FOXJ3: variants seen among roughly 807,000 people sequenced by gnomAD.
FOXJ3 encodes forkhead box J3.
In FOXJ3, 22 loss-of-function variants were observed where a neutral mutation model predicts 76.1. The ratio of observed to expected loss-of-function variants is 0.29; its 90% confidence interval spans 0.21 to 0.41. The LOEUF is 0.41. Ranked by LOEUF, FOXJ3 falls within the 10% of genes least tolerant of loss-of-function variation. FOXJ3 has a pLI of 1.00. For missense variants in FOXJ3, 613 were observed against 762.1 expected, an observed-to-expected ratio of 0.80 and a Z score of 2.30; for synonymous variants, 269 against 261.2, an observed-to-expected ratio of 1.03 and a Z score of -0.29.
chr1:42,316,333 C>CGTTTTTTTTTTTTTTTTTTTTTTT (rs1322633444), intron 1 of FOXJ3, among the ~76,000 whole-genome samples: 1 of 73,914 alleles, frequency 1.4e-5, no homozygotes, highest in African/African-American at 4.3e-5. Flanking sequence ...TGCATTGGGC[C>CGTTTTTTTTTTTTTTTTTTTTTTT]TTTTTTTTTT....
At chr1:42,250,378 C>T (rs1649927223) in intron 4 of FOXJ3, among the ~76,000 whole-genome samples, 1 of 151,944 alleles carries the variant, frequency 6.6e-6, no homozygotes, top group Non-Finnish European at 1.5e-5. Context: ...AAAATAACAC[C>T]CCAAAGGGAA....
At chr1:42,276,462 T>C (rs1652270930) in intron 3 of FOXJ3, among the ~76,000 whole-genome samples, 1 of 152,132 alleles carries the variant, frequency 6.6e-6, no homozygotes, top group African/African-American at 2.4e-5. Context: ...GTTTAAGAAA[T>C]AAAGTACAGT....
intron 4 of FOXJ3, among the ~76,000 whole-genome samples, chr1:42,232,711 T>C (rs574263424): frequency 6.6e-5 from 10 of 152,280 alleles, no homozygotes; most frequent in South Asian, 2.1e-4. Context: ...GTCAGATGAG[T>C]AGATTGCAAA....
chr1:42,244,158 G>A (rs1165762685), intron 4 of FOXJ3, among the ~76,000 whole-genome samples: 1 of 152,046 alleles, frequency 6.6e-6, no homozygotes, highest in Non-Finnish European at 1.5e-5. Flanking sequence ...AACCTATGGA[G>A]TATAGCAAAA....
chr1:42,254,048 T>G lies in FOXJ3; in HGVS notation c.444+11067A>C, dbSNP rs1432698504. Among the ~76,000 whole-genome samples the G allele has an allele frequency of 3.4e-4, 51 of 151,526 alleles. No individual in the cohort carries two copies. In the East Asian group the frequency reaches 9.9e-3, roughly 29 times the overall value. On this transcript the variant is annotated intron_variant, in intron 4 of 12. Coordinates refer to ENST00000361346, the MANE Select transcript of FOXJ3 (RefSeq NM_014947.5). ...GGCAACCTACAAAATGGGAGAAAAT[T>G]TTCACAACCTACTCATCTGACAAAG...
At chr1:42,303,934 A>C (rs149521114) in intron 2 of FOXJ3, among the ~76,000 whole-genome samples, 1 of 152,196 alleles carries the variant, frequency 6.6e-6, no homozygotes, top group African/African-American at 2.4e-5. Context: ...GTAATCGGAC[A>C]AGAGAAAAAA....
intron 4 of FOXJ3, 44 bp from the exon 5 acceptor site, chr1:42,228,010 TATG>T (rs1270077257): frequency 1.0e-6 from 1 of 1,000,618 alleles, no homozygotes. Context: ...ACAGCAAACC[TATG>T]ATATTAAAAT....
At chr1:42,282,191 T>C (rs1332111200) in intron 2 of FOXJ3, among the ~76,000 whole-genome samples, 2 of 152,072 alleles carry the variant, frequency 1.3e-5, no homozygotes, top group Non-Finnish European at 1.5e-5. Context: ...GAAATCTGGT[T>C]ATGGAAATCT....
At chr1:42,313,780 TA>T (rs1654947014) in intron 1 of FOXJ3, among the ~76,000 whole-genome samples, 1 of 152,168 alleles carries the variant, frequency 6.6e-6, no homozygotes, top group Non-Finnish European at 1.5e-5. Flanking sequence ...CATGGTTTCG[TA>T]CACAGCAGAG....
At chr1:42,210,313 C>T (rs1196364393) in intron 5 of FOXJ3, among the ~76,000 whole-genome samples, 1 of 152,150 alleles carries the variant, frequency 6.6e-6, no homozygotes, top group Non-Finnish European at 1.5e-5. Context: ...TGTCCCTTCA[C>T]TCGCCCTGGT....
intron 2 of FOXJ3, among the ~76,000 whole-genome samples, chr1:42,282,580 A>G (rs1331899018): frequency 6.6e-6 from 1 of 152,134 alleles, no homozygotes; most frequent in African/African-American, 2.4e-5. Context: ...CACTGAGGAC[A>G]GTGACCATAC....
At chr1:42,247,263 T>C (rs904334525) in intron 4 of FOXJ3, among the ~76,000 whole-genome samples, 1 of 152,072 alleles carries the variant, frequency 6.6e-6, no homozygotes, top group Non-Finnish European at 1.5e-5. Context: ...TGTAACAAAA[T>C]ACAAGTACCC....
At chr1:42,215,958 C>G (rs1244312936) in intron 5 of FOXJ3, among the ~76,000 whole-genome samples, 5 of 151,870 alleles carry the variant, frequency 3.3e-5, no homozygotes, top group Non-Finnish European at 5.9e-5. Context: ...TTGAGACCAG[C>G]CTGGTCAACA....
At chr1:42,219,699 C>T (rs977690281) in intron 5 of FOXJ3, among the ~76,000 whole-genome samples, 5 of 152,174 alleles carry the variant, frequency 3.3e-5, no homozygotes, top group Non-Finnish European at 7.3e-5. Context: ...AATCCTAGCA[C>T]TTTGAGAGGC....
chr1:42,243,147 G>A (rs1442422935), intron 4 of FOXJ3, among the ~76,000 whole-genome samples: 1 of 152,150 alleles, frequency 6.6e-6, no homozygotes, highest in East Asian at 1.9e-4. Context: ...AGGAATTCAT[G>A]ACCATTAGAC....
chr1:42,212,956 G>GAAA (rs1646992066), intron 5 of FOXJ3, among the ~76,000 whole-genome samples: 1 of 24,846 alleles, frequency 4.0e-5, no homozygotes, highest in Admixed American at 5.8e-4. Context: ...TTTGTATCTA[G>GAAA]CAAAAAAAAA....
chr1:42,306,412 C>G (rs1374968289), intron 2 of FOXJ3, among the ~76,000 whole-genome samples: 1 of 149,276 alleles, frequency 6.7e-6, no homozygotes, highest in African/African-American at 2.5e-5. Flanking sequence ...AGGCGATTCT[C>G]CTGCCTCAGC....
chr1:42,191,506 G>A lies in FOXJ3; in HGVS notation c.1148C>T (p.Pro383Leu). ...PQMHTQPSPH[P>L]PHRPHGLPQH... ...CGGTAAACCATGCGGTCGATGGGGA[G>A]GATGTGGAGATGGCTGTGTGTGCAT... Residue 383 changes from proline to leucine, a missense_variant, in exon 9 of 13, where the codon CCT becomes CTT. Physicochemically the swap from Pro to Leu is moderately conservative, Grantham distance 98. Around this residue, in one of 3 missense-constraint regions of FOXJ3, gnomAD observed 526 missense variants for 601.4 expected, o/e 0.87. Transcript: ENST00000361346. 1 of 1,614,008 alleles carries A rather than the reference G, an allele frequency of 6.2e-7. No individual in the cohort carries two copies. Among genetic ancestry groups the A allele is most frequent in the Non-Finnish European group, 8.5e-7 (1 of 1,179,966 alleles).
intron 5 of FOXJ3, among the ~76,000 whole-genome samples, chr1:42,211,883 T>C (rs951865220): frequency 6.6e-6 from 1 of 152,120 alleles, no homozygotes; most frequent in African/African-American, 2.4e-5. Flanking sequence ...AGTTACATCC[T>C]GGAGTACTGG....
Sources: allele counts gnomAD v4.1 joint callset (sites outside exome capture counted in the v4.1 genomes callset), GRCh38; gene constraint gnomAD v4.1.1; regional missense constraint gnomAD v4.1.1; transcripts MANE v1.5; gene names NCBI Gene and HGNC (gene_info 2026-07-23, HGNC 2026-07-21).